Variants in NAE1 observed in about 807,000 individuals in gnomAD.
NAE1 encodes NEDD8-activating enzyme E1 regulatory subunit.
Under a neutral mutation model 88.0 loss-of-function variants are expected in NAE1, and 59 were observed. That is an observed-to-expected ratio of 0.67 (90% CI 0.54 to 0.83). The LOEUF (loss-of-function observed/expected upper bound fraction) is 0.83. Among genes scored for constraint, NAE1 ranks in the 40% least tolerant of loss-of-function variants. The pLI, the probability that NAE1 is intolerant of heterozygous loss-of-function variation, is 0.00. For missense variants in NAE1, 554 were observed against 632.8 expected, an observed-to-expected ratio of 0.88 and a Z score of 1.34; for synonymous variants, 186 against 208.9, an observed-to-expected ratio of 0.89 and a Z score of 0.95.
chr16:66,814,589 T>C (rs1242898604), intron 11 of NAE1, among the ~76,000 whole-genome samples: 1 of 105,168 alleles, frequency 9.5e-6, no homozygotes, highest in African/African-American at 4.4e-5. Flanking sequence ...TGAGACCCTG[T>C]CTCAAAAAAA....
At chr16:66,819,876 C>A (rs750164123) in intron 7 of NAE1, among the ~76,000 whole-genome samples, 1 of 152,202 alleles carries the variant, frequency 6.6e-6, no homozygotes, top group Non-Finnish European at 1.5e-5. Flanking sequence ...TTCTTCTCTT[C>A]CCTAAATTAG....
chr16:66,813,425 G>A, intron 13 of NAE1, 139 bp downstream of exon 13: 1 of 1,040,158 alleles, frequency 9.6e-7, no homozygotes, highest in Non-Finnish European at 1.4e-6. Flanking sequence ...ACAGGCATGA[G>A]CCACTGCAGC....
At chr16:66,824,988 T>A in intron 3 of NAE1, 103 bp from the exon 4 acceptor site, 1 of 896,446 alleles carries the variant, frequency 1.1e-6, no homozygotes, top group Non-Finnish European at 1.6e-6. Context: ...TAAAACAAAC[T>A]ATATTGTGAT....
At chr16:66,830,670 G>A (rs1008733236) in intron 1 of NAE1, among the ~76,000 whole-genome samples, 177 bp downstream of exon 1, 3 of 152,222 alleles carry the variant, frequency 2.0e-5, no homozygotes, top group Middle Eastern at 3.2e-3. Flanking sequence ...AGCCCTCGCG[G>A]AGCACCTTTG....
At chr16:66,811,520 A>G (rs970143787) in intron 13 of NAE1, among the ~76,000 whole-genome samples, 1 of 152,100 alleles carries the variant, frequency 6.6e-6, no homozygotes, top group African/African-American at 2.4e-5. Flanking sequence ...TGTATTTATT[A>G]TGAGAGGAAA....
chr16:66,830,668 C>T (rs886370194), intron 1 of NAE1, among the ~76,000 whole-genome samples, 179 bp downstream of exon 1: 1 of 152,230 alleles, frequency 6.6e-6, no homozygotes, highest in Admixed American at 6.5e-5. Flanking sequence ...CCAGCCCTCG[C>T]GGAGCACCTT....
intron 16 of NAE1, 38 bp from the exon 17 acceptor site, chr16:66,808,651 T>C (rs1210301780): frequency 3.5e-6 from 5 of 1,426,204 alleles, no homozygotes; most frequent in South Asian, 1.2e-5. Flanking sequence ...TTTGGTTAAT[T>C]TGCAATGTAA....
intron 17 of NAE1, among the ~76,000 whole-genome samples, chr16:66,806,764 G>C (rs1363062643): frequency 1.3e-5 from 2 of 152,096 alleles, no homozygotes; most frequent in Non-Finnish European, 2.9e-5. Context: ...ACTGTTCTAA[G>C]GACCTTATAT....
intron 19 of NAE1, 140 bp downstream of exon 19, chr16:66,805,637 C>CAAAA: frequency 1.8e-6 from 1 of 561,036 alleles, no homozygotes; most frequent in Non-Finnish European, 2.5e-6. Flanking sequence ...GACTGCGTCT[C>CAAAA]AAAAAAAAAA....
chr16:66,803,281 T>C (rs1011698807), intron 19 of NAE1, among the ~76,000 whole-genome samples, 163 bp from the exon 20 acceptor site: 1 of 152,228 alleles, frequency 6.6e-6, no homozygotes, highest in Non-Finnish European at 1.5e-5. Context: ...TAAAAGCCTA[T>C]AATTCTTTTT....
At chr16:66,821,061 C>T (rs976098554) in intron 7 of NAE1, among the ~76,000 whole-genome samples, 1 of 152,132 alleles carries the variant, frequency 6.6e-6, no homozygotes, top group African/African-American at 2.4e-5. Flanking sequence ...AAGAGCGAAA[C>T]TCTGTCTTAA....
At chr16:66,810,458 G>A in intron 14 of NAE1, 45 bp from the exon 15 acceptor site, 1 of 1,532,800 alleles carries the variant, frequency 6.5e-7, no homozygotes, top group Non-Finnish European at 9.0e-7. Context: ...TAAAAGAGAA[G>A]ATTAACAAAG....
chr16:66,819,659 A>C (rs1960174997), intron 7 of NAE1, among the ~76,000 whole-genome samples: 1 of 152,226 alleles, frequency 6.6e-6, no homozygotes, highest in African/African-American at 2.4e-5. Context: ...AATCTGAAGT[A>C]AGAAATGTTC....
At chr16:66,805,704 C>G in intron 19 of NAE1, 73 bp downstream of exon 19, 3 of 1,229,590 alleles carry the variant, frequency 2.4e-6, no homozygotes, top group Non-Finnish European at 3.2e-6. Flanking sequence ...AATAGCTAGA[C>G]GACAAAACTT....
chr16:66,828,592 C>G (rs994347064), intron 1 of NAE1, among the ~76,000 whole-genome samples: 71 of 149,566 alleles, frequency 4.7e-4, no homozygotes, highest in African/African-American at 1.7e-3. Flanking sequence ...GAGGATCACT[C>G]CAGCCCAGGA....
chr16:66,811,393 A>G (rs1161267287), intron 13 of NAE1, among the ~76,000 whole-genome samples: 1 of 152,164 alleles, frequency 6.6e-6, no homozygotes, highest in Non-Finnish European at 1.5e-5. Flanking sequence ...CCTGGGTTCA[A>G]GTGATTTAGA....
At chr16:66,808,053 G>A in intron 17 of NAE1, among the ~76,000 whole-genome samples, 1 of 151,974 alleles carries the variant, frequency 6.6e-6, no homozygotes, top group Admixed American at 6.6e-5. Context: ...ACCATGTCTG[G>A]CTAATTTTTT....
intron 14 of NAE1, 110 bp from the exon 15 acceptor site, chr16:66,810,523 G>T: frequency 4.4e-6 from 5 of 1,147,570 alleles, no homozygotes; most frequent in Non-Finnish European, 6.4e-6. Context: ...CAAGAGCTGG[G>T]AGAGCACTTT....
chr16:66,817,402 A>AT (rs754879167), intron 9 of NAE1, 23 bp downstream of exon 9: 59 of 1,551,428 alleles, frequency 3.8e-5, no homozygotes, highest in African/African-American at 5.4e-5. Flanking sequence ...TGCATATGAA[A>AT]TTTTTTTTAA....
Sources: allele counts gnomAD v4.1 joint callset (sites outside exome capture counted in the v4.1 genomes callset), GRCh38; gene constraint gnomAD v4.1.1; transcripts MANE v1.5; gene names NCBI Gene and HGNC (gene_info 2026-07-23, HGNC 2026-07-21).